The following YBX1 variants were observed in gnomAD, a reference collection of about 807,000 sequenced individuals.
YBX1 encodes the protein Y-box binding protein 1.
YBX1 carries 3 observed loss-of-function variants against 41.4 expected under a neutral mutation model. The observed-to-expected ratio is 0.07, with a 90% CI of 0.03 to 0.19. YBX1 has a LOEUF of 0.19. Among genes scored for constraint, YBX1 ranks in the 10% least tolerant of loss-of-function variants. The pLI, the probability that YBX1 is intolerant of heterozygous loss-of-function variation, is 1.00. For missense variants in YBX1, 274 were observed against 462.8 expected, an observed-to-expected ratio of 0.59 and a Z score of 3.74; for synonymous variants, 133 against 165.8, an observed-to-expected ratio of 0.80 and a Z score of 1.52.
chr1:42,697,111 G>A (rs957924954), intron 5 of YBX1, 69 bp from the exon 6 acceptor site: 1 of 1,550,910 alleles, frequency 6.4e-7, no homozygotes, highest in Middle Eastern at 1.7e-4. Flanking sequence ...TTAACTCTTG[G>A]ATTTATCTGG....
In YBX1 at chr1:42,696,981, T is replaced by G. The variant is rs759006133; in HGVS notation, c.657+37T>G. 5 of 1,528,490 alleles carry G rather than the reference T, an allele frequency of 3.3e-6. No homozygotes were observed. Among genetic ancestry groups the G allele is most frequent in the Non-Finnish European group, 4.4e-6 (5 of 1,138,792 alleles). 94.7% of individuals were successfully genotyped at this position (1,528,490 alleles called of 1,614,324 possible). On this transcript the variant is annotated intron_variant, in intron 5 of 7. Transcript: ENST00000321358. The surrounding 1 kb of genome is among the most constrained non-coding windows in gnomAD (Gnocchi z 5.7). ...CATCAACAACAGCAATGTGATAAGTTCTGGTAGGACTGTTTAGAGCTGTTA... is the reference window on the plus strand; with the variant it reads ...CATCAACAACAGCAATGTGATAAGTGCTGGTAGGACTGTTTAGAGCTGTTA...
chr1:42,690,014 T>C lies in YBX1; in HGVS notation c.231-3476T>C, dbSNP rs888015915. On this transcript the variant is annotated intron_variant, in intron 2 of 7. Coordinates refer to ENST00000321358, the MANE Select transcript of YBX1 (RefSeq NM_004559.5). The stretch of plus-strand genomic sequence containing the variant: ...CTCATTTTGCAGGTAAAAAAGCCAA[T>C]GAGGCAGCTTTCCTAGGTTACACAG... 2.6e-5 allele frequency among the ~76,000 whole-genome samples: 4 copies of C among 152,264 alleles called. No individual in the cohort carries two copies. In the East Asian group the frequency reaches 5.8e-4, roughly 22 times the overall value.
At chr1:42,693,120 A>G (rs1317230988) in intron 2 of YBX1, among the ~76,000 whole-genome samples, 1 of 152,114 alleles carries the variant, frequency 6.6e-6, no homozygotes, top group East Asian at 1.9e-4. Context: ...GAATGTAACT[A>G]CTACTTCTGT....
chr1:42,700,468 G>C (rs150357559), intron 6 of YBX1, among the ~76,000 whole-genome samples: 1 of 152,098 alleles, frequency 6.6e-6, no homozygotes, highest in Non-Finnish European at 1.5e-5. Flanking sequence ...GACGTGGGGG[G>C]CTTGCCTATA....
At chr1:42,693,338 G>T in intron 2 of YBX1, 152 bp from the exon 3 acceptor site, 2 of 725,640 alleles carry the variant, frequency 2.8e-6, no homozygotes. Flanking sequence ...CTGAAGTCTT[G>T]AAAGCAGAGA....
intron 6 of YBX1, among the ~76,000 whole-genome samples, chr1:42,699,502 T>TGA (rs1182341393): frequency 6.6e-6 from 1 of 151,466 alleles, no homozygotes; most frequent in Non-Finnish European, 1.5e-5. Context: ...AGATCTGGTT[T>TGA]GATTTATCCA....
chr1:42,693,615 G>A, intron 3 of YBX1, 92 bp downstream of exon 3: 28 of 1,382,256 alleles, frequency 2.0e-5, no homozygotes, highest in Non-Finnish European at 2.7e-5. Flanking sequence ...CTTATAAAAG[G>A]TTAAGTCCAA....
chr1:42,684,658 C>G (rs1366858086), intron 2 of YBX1, among the ~76,000 whole-genome samples: 1 of 152,126 alleles, frequency 6.6e-6, no homozygotes, highest in African/African-American at 2.4e-5. Context: ...CTTCCAAAAT[C>G]TTAGGATTTT....
intron 2 of YBX1, among the ~76,000 whole-genome samples, chr1:42,684,856 C>T (rs1171789352): frequency 6.6e-6 from 1 of 152,214 alleles, no homozygotes; most frequent in African/African-American, 2.4e-5. Context: ...CTCTGATTAT[C>T]GTTACTAGTC....
chr1:42,696,521 C>CCCTTTTTTTT lies in YBX1; in HGVS notation c.355-120_355-119insCTTTTTTTTC. On this transcript the variant is annotated intron_variant, in intron 4 of 7. Coordinates refer to ENST00000321358, the MANE Select transcript of YBX1 (RefSeq NM_004559.5). This position sits in a 1 kb window ranked among gnomAD's most constrained non-coding sequence, Gnocchi z 5.7. ...TGGTCACGCAGTTGCGCCCCCCCCCCCTTTTTTTTCCTTAACTTTGTTGTT... is the reference window on the plus strand; with the variant it reads ...TGGTCACGCAGTTGCGCCCCCCCCCCCCTTTTTTTTCTTTTTTTTCCTTAACTTTGTTGTT... 1 of 726,960 alleles carries CCCTTTTTTTT rather than the reference C, an allele frequency of 1.4e-6. No homozygotes were observed. Among genetic ancestry groups the CCCTTTTTTTT allele is most frequent in the Non-Finnish European group, 2.1e-6 (1 of 470,592 alleles). The allele number at this position is 726,960 out of a possible 1,614,324, so 45.0% of individuals were successfully genotyped here. A position where few individuals can be genotyped will look rare whatever the true frequency, so the allele number is the denominator to read the frequency against.
chr1:42,684,277 A>G (rs1304742709), intron 2 of YBX1, among the ~76,000 whole-genome samples: 1 of 152,220 alleles, frequency 6.6e-6, no homozygotes, highest in African/African-American at 2.4e-5. Flanking sequence ...CGTGCAGTAG[A>G]CGCACTGTAT....
intron 5 of YBX1, 37 bp from the exon 6 acceptor site, chr1:42,697,142 AC>A: frequency 6.3e-7 from 1 of 1,596,090 alleles, no homozygotes; most frequent in Non-Finnish European, 8.5e-7. Flanking sequence ...TTATTATATT[AC>A]TGACCCAGTA....
Position 42,682,647 on chromosome 1 carries a change from G to C in YBX1, c.82G>C (p.Gly28Arg). ...CCTCAGCGCCGCCGACACCAAGCCCGGCACTACGGGCAGCGGCGCAGGGAG... is the reference window on the plus strand; with the variant it reads ...CCTCAGCGCCGCCGACACCAAGCCCCGCACTACGGGCAGCGGCGCAGGGAG... ...PALSAADTKP[G>R]TTGSGAGSGG... The change falls in exon 1 of 8, where the codon GGC (glycine) becomes CGC (arginine). Residue 28 changes from glycine (G) to arginine (R), a missense_variant. Around this residue, in one of 3 missense-constraint regions of YBX1, gnomAD observed 84 missense variants for 130.8 expected, o/e 0.64. Transcript: ENST00000321358. The C allele has an allele frequency of 1.5e-6, 2 of 1,339,390 alleles. No individual in the cohort carries two copies. Among genetic ancestry groups the C allele is most frequent in the Non-Finnish European group, 1.9e-6 (2 of 1,052,614 alleles). 83.0% of individuals were successfully genotyped at this position (1,339,390 alleles called of 1,614,324 possible).
Position 42,693,643 on chromosome 1 carries a change from T to TA in YBX1, c.264+121dup, listed in dbSNP as rs1650393592. 34 of 995,914 alleles carry TA rather than the reference T, an allele frequency of 3.4e-5. No individual in the cohort carries two copies. The South Asian group carries it at 4.4e-4, about 13-fold the overall frequency. The allele number at this position is 995,914 out of a possible 1,614,324, so 61.7% of individuals were successfully genotyped here. ...AAGTCCAACCACCAGTTTATTTACT[T>TA]ACGACAGGAGTAGTAGCATGCTTAA... On this transcript the variant is annotated intron_variant, in intron 3 of 7. Transcript: ENST00000321358.
At chr1:42,697,015 G>T in intron 5 of YBX1, 71 bp downstream of exon 5, 18 of 1,481,486 alleles carry the variant, frequency 1.2e-5, no homozygotes, top group Middle Eastern at 1.8e-4. Context: ...TAATTATATG[G>T]AAAGCAACTT....
chr1:42,688,679 A>G (rs946338929), intron 2 of YBX1, among the ~76,000 whole-genome samples: 44 of 152,200 alleles, frequency 2.9e-4, no homozygotes, highest in African/African-American at 2.2e-4. Flanking sequence ...TAAGTCTTCA[A>G]TAGCACCATG....
At chr1:42,686,350 A>G (rs1238991519) in intron 2 of YBX1, among the ~76,000 whole-genome samples, 1 of 139,778 alleles carries the variant, frequency 7.2e-6, no homozygotes, top group Non-Finnish European at 1.6e-5. Flanking sequence ...ACTAACATTT[A>G]TAATTCAGGA....
intron 2 of YBX1, among the ~76,000 whole-genome samples, chr1:42,693,039 G>T (rs1173453155): frequency 6.6e-6 from 1 of 152,098 alleles, no homozygotes; most frequent in Non-Finnish European, 1.5e-5. Context: ...ACATTCTGTT[G>T]GTGGGGAGGG....
chr1:42,695,832 G>A (rs1306503861), intron 3 of YBX1, among the ~76,000 whole-genome samples: 2 of 152,204 alleles, frequency 1.3e-5, no homozygotes, highest in Non-Finnish European at 2.9e-5. Context: ...ACGCAGTGTG[G>A]GGCCACCTTC....
Sources: allele counts gnomAD v4.1 joint callset (sites outside exome capture counted in the v4.1 genomes callset), GRCh38; gene constraint gnomAD v4.1.1; regional missense constraint gnomAD v4.1.1; non-coding constraint Gnocchi (gnomAD v3.1); transcripts MANE v1.5; gene names NCBI Gene and HGNC (gene_info 2026-07-23, HGNC 2026-07-21).